Variants in GALNTL6 observed in about 807,000 individuals in gnomAD.
GALNTL6 encodes the protein polypeptide N-acetylgalactosaminyltransferase-like 6.
Under a neutral mutation model 73.7 loss-of-function variants are expected in GALNTL6, and 46 were observed. That is an observed-to-expected ratio of 0.62 (90% confidence interval 0.49 to 0.80). GALNTL6 has a LOEUF of 0.80. GALNTL6 is among the 30% of genes least tolerant of loss of function. The pLI is 0.00. For synonymous variants in GALNTL6, 259 were observed against 263.7 expected (o/e 0.98, Z 0.17); for missense variants, 604 against 755.0 (o/e 0.80, Z 2.34).
At chr4:172,736,890 TTTATAAAGG>T (rs1736500960) in intron 5 of GALNTL6, among the ~76,000 whole-genome samples, 1 of 152,166 alleles carries the variant, frequency 6.6e-6, no homozygotes, top group Non-Finnish European at 1.5e-5. Context: ...ATCTGATGGT[TTTATAAAGG>T]ACAATTCCCC....
chr4:172,582,617 T>A (rs1737234340), intron 5 of GALNTL6, among the ~76,000 whole-genome samples: 1 of 152,182 alleles, frequency 6.6e-6, no homozygotes, highest in Admixed American at 6.5e-5. Context: ...TGCTTCATGG[T>A]AAGCATTATG....
intron 2 of GALNTL6, among the ~76,000 whole-genome samples, chr4:171,873,375 C>A (rs193264167): frequency 2.7e-4 from 41 of 152,274 alleles, no homozygotes; most frequent in Non-Finnish European, 4.9e-4. Context: ...GTACAAGTTA[C>A]AGATTTTGTG....
At chr4:172,075,411 T>G (rs1276012248) in intron 2 of GALNTL6, among the ~76,000 whole-genome samples, 4 of 152,130 alleles carry the variant, frequency 2.6e-5, no homozygotes, top group Non-Finnish European at 5.9e-5. Context: ...CTCGGCTCAC[T>G]GCAAGCTCTG....
chr4:171,988,305 ACG>A (rs1311170561), intron 2 of GALNTL6, among the ~76,000 whole-genome samples: 2 of 152,198 alleles, frequency 1.3e-5, no homozygotes, highest in African/African-American at 4.8e-5. Context: ...CAGGGAGAGC[ACG>A]TGTGTTTTTA....
rs187698335 is a variant in GALNTL6, at chr4:172,425,964, C to T, written c.553+77275C>T. ...TGAAAATAAAGTAGCATGGTATTCT[C>T]CTTGCTCTGATTGTCTTTTAGTTAT... On this transcript the variant is annotated intron_variant, in intron 5 of 12. Coordinates refer to ENST00000506823, the MANE Select transcript of GALNTL6 (RefSeq NM_001034845.3). 5.3e-5 allele frequency among the ~76,000 whole-genome samples: 8 copies of T among 152,108 alleles called. No individual in the cohort carries two copies. In the East Asian group the frequency reaches 1.5e-3, roughly 29 times the overall value.
intron 5 of GALNTL6, among the ~76,000 whole-genome samples, chr4:172,368,885 C>T (rs1460696491): frequency 1.3e-5 from 2 of 152,190 alleles, no homozygotes; most frequent in Non-Finnish European, 1.5e-5. Context: ...CTGGTGGGTT[C>T]GTGGTCTCGC....
At chr4:172,340,916 C>G (rs1741535661) in intron 4 of GALNTL6, among the ~76,000 whole-genome samples, 1 of 152,194 alleles carries the variant, frequency 6.6e-6, no homozygotes, top group Non-Finnish European at 1.5e-5. Context: ...GAGGACTCTG[C>G]AGATCCCCTG....
chr4:172,290,753 A>G (rs1579338614), intron 3 of GALNTL6, among the ~76,000 whole-genome samples: 1 of 151,844 alleles, frequency 6.6e-6, no homozygotes, highest in East Asian at 1.9e-4. Flanking sequence ...ATCATATCAT[A>G]TAATAATTTA....
At chr4:172,869,644 C>G (rs1490556118) in intron 7 of GALNTL6, among the ~76,000 whole-genome samples, 1 of 152,176 alleles carries the variant, frequency 6.6e-6, no homozygotes, top group African/African-American at 2.4e-5. Flanking sequence ...TTTCCAATGT[C>G]ATCTAAGGTA....
chr4:172,371,353 G>T (rs896227911), intron 5 of GALNTL6, among the ~76,000 whole-genome samples: 2 of 152,216 alleles, frequency 1.3e-5, no homozygotes, highest in African/African-American at 4.8e-5. Context: ...GAAGGCTATG[G>T]GTTGTCATTG....
chr4:172,632,543 A>G lies in GALNTL6; in HGVS notation c.554-176818A>G, dbSNP rs540984815. ...AGAGAGATAATTTAAGGTATCTGGC[A>G]TAACAGATTTCTAAGTGGCAAAATA... On this transcript the variant is annotated intron_variant, in intron 5 of 12. Coordinates refer to ENST00000506823, the MANE Select transcript of GALNTL6 (RefSeq NM_001034845.3). 3.9e-5 allele frequency among the ~76,000 whole-genome samples: 6 copies of G among 152,346 alleles called. 1 individual carries two copies. In the South Asian group the frequency reaches 1.2e-3, roughly 32 times the overall value.
At position 171,844,572 on chromosome 4, in the gene GALNTL6, T is replaced by C. The variant is rs368281489; in HGVS notation, c.138+29854T>C. Among the ~76,000 whole-genome samples, 15 of 152,282 alleles carry C rather than the reference T, an allele frequency of 9.9e-5. No homozygotes were observed. The East Asian group carries it at 2.1e-3, about 22-fold the overall frequency. On this transcript the variant is annotated intron_variant, in intron 2 of 12. Transcript: ENST00000506823. ...AAGAGCTTTAGATGAAGTAGGCTAA[T>C]ATTATCAGACAGTTCGTTGATGTGA...
intron 5 of GALNTL6, among the ~76,000 whole-genome samples, chr4:172,499,935 C>G (rs946309668): frequency 6.6e-6 from 1 of 152,108 alleles, no homozygotes; most frequent in Non-Finnish European, 1.5e-5. Flanking sequence ...GCTAATAATT[C>G]TTACCATCAG....
intron 2 of GALNTL6, among the ~76,000 whole-genome samples, chr4:171,896,300 G>T (rs1026406630): frequency 1.3e-5 from 2 of 151,886 alleles, no homozygotes; most frequent in Admixed American, 6.6e-5. Context: ...TGTAATCATT[G>T]TCTTGTAAAC....
chr4:172,271,541 T>C (rs1738652762), intron 3 of GALNTL6, among the ~76,000 whole-genome samples: 1 of 152,172 alleles, frequency 6.6e-6, no homozygotes, highest in Non-Finnish European at 1.5e-5. Context: ...TGAGTACATA[T>C]ATATGCACAG....
chr4:172,092,774 CTT>C (rs1283228984), intron 2 of GALNTL6, among the ~76,000 whole-genome samples: 1 of 151,354 alleles, frequency 6.6e-6, no homozygotes, highest in Non-Finnish European at 1.5e-5. Flanking sequence ...GTTTACAACA[CTT>C]TTTACTTTTA....
intron 2 of GALNTL6, among the ~76,000 whole-genome samples, chr4:172,022,993 G>A (rs900334592): frequency 3.9e-5 from 6 of 151,918 alleles, no homozygotes; most frequent in South Asian, 2.1e-4. Flanking sequence ...ATAAATAAAC[G>A]TTTACATATA....
At chr4:172,442,865 A>C (rs1438726424) in intron 5 of GALNTL6, among the ~76,000 whole-genome samples, 1 of 152,050 alleles carries the variant, frequency 6.6e-6, no homozygotes, top group East Asian at 1.9e-4. Flanking sequence ...AATGAGAGAA[A>C]AAAATACCAA....
chr4:171,881,135 A>G (rs968544421), intron 2 of GALNTL6, among the ~76,000 whole-genome samples: 2 of 152,192 alleles, frequency 1.3e-5, no homozygotes, highest in Non-Finnish European at 2.9e-5. Flanking sequence ...TGCAAGCCAA[A>G]GAGCCTGTAG....
Sources: gnomAD v4.1 joint callset for allele counts (sites outside exome capture counted in the v4.1 genomes callset) on GRCh38, gnomAD v4.1.1 for gene constraint, MANE v1.5 for transcripts, NCBI Gene and HGNC (gene_info 2026-07-23, HGNC 2026-07-21) for gene names.